The following PEPD variants were observed in gnomAD, a reference collection of about 807,000 sequenced individuals.
PEPD encodes peptidase D, also known as xaa-Pro dipeptidase.
Under a neutral mutation model 60.7 loss-of-function variants are expected in PEPD, and 53 were observed. The observed-to-expected ratio is 0.87, with a 90% CI of 0.70 to 1.10. The LOEUF (loss-of-function observed/expected upper bound fraction) is 1.10. PEPD is among the 50% of genes least tolerant of loss of function. The pLI, the probability that PEPD is intolerant of heterozygous loss-of-function variation, is 0.00. For synonymous variants in PEPD, 267 were observed against 284.1 expected (o/e 0.94, Z 0.60); for missense variants, 711 against 711.9 (o/e 1.00, Z 0.01).
intron 4 of PEPD, among the ~76,000 whole-genome samples, chr19:33,499,069 C>T (rs1970662013): frequency 6.6e-6 from 1 of 152,150 alleles, no homozygotes. Context: ...GTAGGTGCCT[C>T]CTGCTCCACT....
intron 9 of PEPD, among the ~76,000 whole-genome samples, chr19:33,418,470 A>C (rs562612495): frequency 1.3e-5 from 2 of 152,342 alleles, no homozygotes; most frequent in African/African-American, 4.8e-5. Flanking sequence ...CTCCTTTTGC[A>C]TGGAACCAGA....
At chr19:33,496,275 G>A (rs991812634) in intron 4 of PEPD, among the ~76,000 whole-genome samples, 3 of 152,122 alleles carry the variant, frequency 2.0e-5, no homozygotes, top group African/African-American at 7.2e-5. Flanking sequence ...TCCGGGCGAC[G>A]ACTCTCAGGA....
At chr19:33,494,070 C>T (rs1970550575) in intron 4 of PEPD, among the ~76,000 whole-genome samples, 1 of 152,230 alleles carries the variant, frequency 6.6e-6, no homozygotes, top group African/African-American at 2.4e-5. Flanking sequence ...TCTACTGCCC[C>T]ACTGACAGTC....
At chr19:33,485,859 T>C (rs955267037) in intron 6 of PEPD, among the ~76,000 whole-genome samples, 2 of 152,112 alleles carry the variant, frequency 1.3e-5, no homozygotes, top group African/African-American at 2.4e-5. Flanking sequence ...CCATATACAA[T>C]GGCAGGAAAC....
intron 5 of PEPD, among the ~76,000 whole-genome samples, chr19:33,490,476 G>A (rs1361414355): frequency 1.3e-5 from 2 of 152,176 alleles, no homozygotes; most frequent in African/African-American, 2.4e-5. Flanking sequence ...AAAGAGTCCT[G>A]TCGAACCCAG....
chr19:33,506,322 CTACA>C (rs1970808514), intron 3 of PEPD, among the ~76,000 whole-genome samples: 1 of 146,200 alleles, frequency 6.8e-6, no homozygotes, highest in African/African-American at 2.5e-5. Context: ...ACCCTACACA[CTACA>C]CACACACCCA....
chr19:33,449,318 G>C (rs1969653197), intron 9 of PEPD, among the ~76,000 whole-genome samples: 1 of 152,190 alleles, frequency 6.6e-6, no homozygotes, highest in Non-Finnish European at 1.5e-5. Flanking sequence ...AATTTCAGCA[G>C]AGCCCCGCAT....
rs1441425083 is a variant in PEPD, at chr19:33,516,053, C to A, written c.18-3277G>T. On this transcript the variant is annotated intron_variant, in intron 1 of 14. Transcript: ENST00000244137. ...CCATGGGGCTCCGCCAGAACAGAAC[C>A]CACCCTGTGCAGGGCTCTGAGCATA... Among the ~76,000 whole-genome samples, 3 of 152,114 alleles carry A rather than the reference C, an allele frequency of 2.0e-5. No individual in the cohort carries two copies. In the East Asian group the frequency reaches 5.8e-4, roughly 29 times the overall value.
intron 9 of PEPD, among the ~76,000 whole-genome samples, chr19:33,459,574 T>C (rs1969888616): frequency 6.6e-6 from 1 of 152,156 alleles, no homozygotes; most frequent in East Asian, 1.9e-4. Flanking sequence ...CACAATTTAC[T>C]ACACCTCAAT....
intron 9 of PEPD, among the ~76,000 whole-genome samples, chr19:33,417,464 C>T (rs1600099227): frequency 6.6e-6 from 1 of 152,288 alleles, no homozygotes; most frequent in South Asian, 2.1e-4. Context: ...CCCCACATAC[C>T]CAGCCTTCTG....
At chr19:33,441,115 T>C (rs1189896521) in intron 9 of PEPD, among the ~76,000 whole-genome samples, 2 of 152,354 alleles carry the variant, frequency 1.3e-5, no homozygotes, top group South Asian at 2.1e-4. Context: ...TGGCCCCACC[T>C]ATGGCATCTG....
At chr19:33,389,285 A>C (rs1417642195) in intron 13 of PEPD, among the ~76,000 whole-genome samples, 1 of 152,124 alleles carries the variant, frequency 6.6e-6, no homozygotes, top group African/African-American at 2.4e-5. Flanking sequence ...CGGCCCCACA[A>C]CACTTGCCTC....
intron 9 of PEPD, among the ~76,000 whole-genome samples, chr19:33,419,825 C>T (rs550408783): frequency 1.3e-5 from 2 of 152,020 alleles, no homozygotes; most frequent in South Asian, 4.1e-4. Flanking sequence ...GAAGGAGCCC[C>T]AGGCCAGCCG....
intron 9 of PEPD, among the ~76,000 whole-genome samples, chr19:33,422,858 CTCTCTA>C: frequency 6.6e-6 from 1 of 151,304 alleles, no homozygotes. Context: ...ATCCATCCAT[CTCTCTA>C]TATCTATCCA....
At chr19:33,489,598 C>T (rs893303624) in intron 6 of PEPD, among the ~76,000 whole-genome samples, 2 of 151,914 alleles carry the variant, frequency 1.3e-5, no homozygotes, top group Admixed American at 6.6e-5. Flanking sequence ...CATTGCACTC[C>T]AGCCTGGGTG....
At chr19:33,389,487 T>C (rs1442265723) in intron 13 of PEPD, among the ~76,000 whole-genome samples, 1 of 142,098 alleles carries the variant, frequency 7.0e-6, no homozygotes, top group Non-Finnish European at 1.5e-5. Context: ...ATCCGAAGCC[T>C]GTGCTGGGCT....
intron 12 of PEPD, among the ~76,000 whole-genome samples, chr19:33,400,116 G>A (rs1049863578): frequency 6.6e-6 from 1 of 152,202 alleles, no homozygotes; most frequent in African/African-American, 2.4e-5. Flanking sequence ...TACACAGGGG[G>A]CTGCCTTGGG....
intron 9 of PEPD, among the ~76,000 whole-genome samples, chr19:33,443,295 G>A (rs1248015878): frequency 6.6e-6 from 1 of 152,204 alleles, no homozygotes; most frequent in Non-Finnish European, 1.5e-5. Flanking sequence ...TGGCTAGACT[G>A]CACACCACAC....
At chr19:33,447,332 C>A (rs948676587) in intron 9 of PEPD, among the ~76,000 whole-genome samples, 2 of 152,160 alleles carry the variant, frequency 1.3e-5, no homozygotes, top group African/African-American at 4.8e-5. Context: ...GGCTCTGCCT[C>A]CACAAAACGG....
Sources: allele counts gnomAD v4.1 joint callset (sites outside exome capture counted in the v4.1 genomes callset), GRCh38; gene constraint gnomAD v4.1.1; transcripts MANE v1.5; gene names NCBI Gene and HGNC (gene_info 2026-07-23, HGNC 2026-07-21).